SPAG16: variants seen among roughly 807,000 people sequenced by gnomAD.
The protein encoded by SPAG16 is sperm associated antigen 16, also known as sperm-associated antigen 16 protein.
SPAG16 carries 86 observed loss-of-function variants against 80.4 expected under a neutral mutation model. The ratio of observed to expected loss-of-function variants is 1.07; its 90% CI spans 0.90 to 1.28. The LOEUF is 1.28. Ranked by LOEUF, SPAG16 falls within the 50% of genes most tolerant of loss-of-function variation. The pLI is 0.00. For missense variants in SPAG16, 870 were observed against 765.3 expected, an observed-to-expected ratio of 1.14 and a Z score of -1.61; for synonymous variants, 294 against 265.9, an observed-to-expected ratio of 1.11 and a Z score of -1.03.
intron 10 of SPAG16, among the ~76,000 whole-genome samples, chr2:213,581,593 A>C (rs574146831): frequency 2.0e-5 from 3 of 152,174 alleles, no homozygotes; most frequent in Admixed American, 6.6e-5. Flanking sequence ...CTCAGGTCCA[A>C]GCTGATTTTG....
chr2:213,469,531 A>T (rs1218242049), intron 9 of SPAG16, among the ~76,000 whole-genome samples: 4 of 140,720 alleles, frequency 2.8e-5, no homozygotes, highest in African/African-American at 1.1e-4. Context: ...TCAACTACCC[A>T]TTCTGTATTC....
At chr2:213,503,074 T>C (rs1177945441) in intron 10 of SPAG16, among the ~76,000 whole-genome samples, 2 of 152,222 alleles carry the variant, frequency 1.3e-5, no homozygotes, top group African/African-American at 4.8e-5. Context: ...CTATATATCA[T>C]GAAAATTTAA....
chr2:213,378,353 T>C (rs1559472768), intron 9 of SPAG16, among the ~76,000 whole-genome samples: 2 of 152,148 alleles, frequency 1.3e-5, no homozygotes. Context: ...CCTTGTCAAC[T>C]TGAACCCATA....
chr2:213,557,605 A>G (rs910723133), intron 10 of SPAG16, among the ~76,000 whole-genome samples: 5 of 152,262 alleles, frequency 3.3e-5, no homozygotes, highest in African/African-American at 1.2e-4. Flanking sequence ...AGTAGTTTAT[A>G]CTTTTTAAAT....
rs577193763 is a variant in SPAG16, at chr2:214,054,516, A to G, written c.1527+40439A>G. ...TAAAATACTTCCTTTGCAAAATTCA[A>G]TATATTTCTGAGGCCTAACAGACCC... On this transcript the variant is annotated intron_variant, in intron 13 of 15. Transcript: ENST00000331683. Among the ~76,000 whole-genome samples the G allele has an allele frequency of 3.3e-5, 5 of 152,306 alleles. No homozygotes were observed. In the South Asian group the frequency reaches 1.0e-3, roughly 32 times the overall value.
chr2:213,724,296 A>G (rs1203915739), intron 10 of SPAG16, among the ~76,000 whole-genome samples: 1 of 152,196 alleles, frequency 6.6e-6, no homozygotes, highest in African/African-American at 2.4e-5. Context: ...GACAATGGGG[A>G]GGAAGGAGTA....
intron 12 of SPAG16, among the ~76,000 whole-genome samples, chr2:213,942,038 AT>A (rs201384174): frequency 1.3e-5 from 2 of 151,878 alleles, no homozygotes; most frequent in East Asian, 1.9e-4. Flanking sequence ...TGTTTACACC[AT>A]TTTTTTTGCC....
chr2:213,410,049 T>C (rs1435060830), intron 9 of SPAG16, among the ~76,000 whole-genome samples: 1 of 137,954 alleles, frequency 7.2e-6, no homozygotes, highest in Admixed American at 7.0e-5. Context: ...CCCTACCTTG[T>C]GCTGCTAACC....
At chr2:213,382,711 T>G (rs2067232268) in intron 9 of SPAG16, among the ~76,000 whole-genome samples, 1 of 152,198 alleles carries the variant, frequency 6.6e-6, no homozygotes, top group Non-Finnish European at 1.5e-5. Context: ...TTCTTTGGTG[T>G]TTGTTTCTTC....
intron 10 of SPAG16, among the ~76,000 whole-genome samples, chr2:213,833,494 A>ATATATTAT (rs1559506049): frequency 6.9e-4 from 1 of 1,446 alleles, no homozygotes; most frequent in Non-Finnish European, 3.8e-3. Context: ...TATTATATAT[A>ATATATTAT]ATATATATAT....
chr2:213,525,284 CTTTTTTTTTTTT>C (rs71060436), intron 10 of SPAG16, among the ~76,000 whole-genome samples: 1 of 100,338 alleles, frequency 1.0e-5, no homozygotes, highest in Admixed American at 1.2e-4. Flanking sequence ...TTTTCCTTTT[CTTTTTTTTTTTT>C]TTTTTTTTTT....
intron 8 of SPAG16, among the ~76,000 whole-genome samples, chr2:213,368,256 G>A (rs2066428719): frequency 6.6e-6 from 1 of 152,134 alleles, no homozygotes; most frequent in South Asian, 2.1e-4. Context: ...GCTTAGGATT[G>A]TCTTGGCTAT....
intron 15 of SPAG16, among the ~76,000 whole-genome samples, chr2:214,373,805 T>C (rs1349362856): frequency 1.3e-5 from 2 of 152,200 alleles, no homozygotes; most frequent in African/African-American, 4.8e-5. Flanking sequence ...ATTTTTCAGA[T>C]TTTACTTTCT....
At chr2:214,146,110 C>T (rs948233972) in intron 14 of SPAG16, among the ~76,000 whole-genome samples, 6 of 152,176 alleles carry the variant, frequency 3.9e-5, no homozygotes, top group African/African-American at 7.2e-5. Flanking sequence ...TCTTTAAAAA[C>T]ATTTTCTTTG....
intron 13 of SPAG16, among the ~76,000 whole-genome samples, chr2:214,082,409 C>A (rs2051443270): frequency 2.6e-5 from 4 of 152,146 alleles, no homozygotes. Flanking sequence ...CTTTTGGGAA[C>A]CTGATACGTT....
At chr2:213,732,036 A>G (rs7562951) in intron 10 of SPAG16, among the ~76,000 whole-genome samples, 140,768 of 152,224 alleles carry the variant, frequency 0.92, 66,128 homozygotes, top group East Asian at 1. Context: ...TCTAGGGTTT[A>G]TATAGTTTTT....
intron 13 of SPAG16, among the ~76,000 whole-genome samples, chr2:214,023,107 C>G (rs1280167661): frequency 6.6e-6 from 1 of 151,926 alleles, no homozygotes; most frequent in Non-Finnish European, 1.5e-5. Context: ...GATAAACCTT[C>G]TCTTTTCCCC....
intron 10 of SPAG16, among the ~76,000 whole-genome samples, chr2:213,717,179 G>A (rs1321406956): frequency 2.1e-5 from 3 of 144,260 alleles, no homozygotes; most frequent in Non-Finnish European, 4.5e-5. Context: ...TTTTTGAGAC[G>A]GAATCTCGTC....
intron 13 of SPAG16, among the ~76,000 whole-genome samples, chr2:214,025,292 A>T (rs931173202): frequency 2.0e-5 from 3 of 151,616 alleles, no homozygotes; most frequent in Non-Finnish European, 4.4e-5. Flanking sequence ...TGTTGCTGTC[A>T]CTTTCAAGAA....
Sources: gnomAD v4.1 joint callset for allele counts (sites outside exome capture counted in the v4.1 genomes callset) on GRCh38, gnomAD v4.1.1 for gene constraint, MANE v1.5 for transcripts, NCBI Gene and HGNC (gene_info 2026-07-23, HGNC 2026-07-21) for gene names.